Variants in FARS2 observed in about 807,000 individuals in gnomAD.
FARS2 encodes phenylalanine--tRNA ligase, mitochondrial.
FARS2 carries 40 observed loss-of-function variants against 46.4 expected under a neutral mutation model. That is an observed-to-expected ratio of 0.86 (90% confidence interval 0.67 to 1.12). The LOEUF (loss-of-function observed/expected upper bound fraction) is 1.12, where lower values mean the gene tolerates loss of function less well. FARS2 is among the 50% of genes most tolerant of loss of function. The pLI, the probability that FARS2 is intolerant of heterozygous loss-of-function variation, is 0.00. For missense variants in FARS2, 513 were observed against 567.9 expected (o/e 0.90, Z 0.98); for synonymous variants, 234 against 214.9 (o/e 1.09, Z -0.78).
chr6:5,450,843 G>A (rs546321028), intron 4 of FARS2, among the ~76,000 whole-genome samples: 1 of 152,110 alleles, frequency 6.6e-6, no homozygotes, highest in South Asian at 2.1e-4. Flanking sequence ...TGGAATCCCT[G>A]GATACATGCC....
Position 5,771,456 on chromosome 6 carries a change from C to T in FARS2, c.*27C>T, listed in dbSNP as rs368616229. Reference sequence around the variant, plus strand: ...GTCACCACTTCACTCAGGCTGCAGCCCTCTTGGGGCTCCAGGATTTGCTGA... The same window carrying T: ...GTCACCACTTCACTCAGGCTGCAGCTCTCTTGGGGCTCCAGGATTTGCTGA... On this transcript the variant is annotated 3_prime_UTR_variant, in exon 7 of 7. Transcript: ENST00000274680. 10 of 1,587,160 alleles carry T rather than the reference C, an allele frequency of 6.3e-6. No individual in the cohort carries two copies. Among genetic ancestry groups the T allele is most frequent in the Non-Finnish European group, 8.5e-6 (10 of 1,170,814 alleles).
At position 5,342,369 on chromosome 6, in the gene FARS2, A is replaced by G. The variant is rs376599573; in HGVS notation, c.-21-26181A>G. Among the ~76,000 whole-genome samples, 6 of 152,370 alleles carry G rather than the reference A, an allele frequency of 3.9e-5. No homozygotes were observed. The East Asian group carries it at 9.6e-4, about 24-fold the overall frequency. On this transcript the variant is annotated intron_variant, in intron 1 of 6. Coordinates refer to ENST00000274680, the MANE Select transcript of FARS2 (RefSeq NM_006567.5). ...GCATTTATTTATATTAGTTTCTAAA[A>G]ATGAACAGAAATGGTAAAATGTTCT... is the stretch of plus-strand genomic sequence containing the variant.
intron 4 of FARS2, among the ~76,000 whole-genome samples, chr6:5,444,092 C>CGTGTGT (rs35213574): frequency 0.094 from 13,743 of 146,184 alleles, 799 homozygotes; most frequent in East Asian, 0.19. Flanking sequence ...GGAAGATCCT[C>CGTGTGT]GTGTGTGTGT....
intron 6 of FARS2, among the ~76,000 whole-genome samples, chr6:5,676,225 C>T (rs1407799599): frequency 6.6e-6 from 1 of 152,144 alleles, no homozygotes; most frequent in South Asian, 2.1e-4. Flanking sequence ...ACACTTGAAC[C>T]GAGCGTGAGA....
In FARS2 at chr6:5,376,173, A is replaced by G. The variant is rs141280329; in HGVS notation, c.612+6991A>G. Among the ~76,000 whole-genome samples the G allele has an allele frequency of 3.9e-3, 587 of 152,260 alleles. 5 individuals carry two copies. Among genetic ancestry groups the G allele is most frequent in the African/African-American group, 0.013 (542 of 41,552 alleles). ...ACACTGTTCTCCTTTCTGAAAATGC[A>G]TATAGGTGGTGAGCACACGTGTGTG... On this transcript the variant is annotated intron_variant, in intron 2 of 6. Transcript: ENST00000274680.
At chr6:5,386,869 G>A (rs1581952782) in intron 2 of FARS2, among the ~76,000 whole-genome samples, 2 of 152,122 alleles carry the variant, frequency 1.3e-5, no homozygotes, top group African/African-American at 2.4e-5. Context: ...TGGCACAGTC[G>A]CCTGGGGTGG....
intron 6 of FARS2, among the ~76,000 whole-genome samples, chr6:5,625,785 A>G (rs1582617873): frequency 6.6e-6 from 1 of 152,200 alleles, no homozygotes; most frequent in Non-Finnish European, 1.5e-5. Context: ...CAGCAGAATC[A>G]TCAGCAAGGC....
intron 5 of FARS2, among the ~76,000 whole-genome samples, chr6:5,610,464 CATA>C (rs1775116311): frequency 1.3e-5 from 2 of 152,008 alleles, no homozygotes; most frequent in Non-Finnish European, 1.5e-5. Flanking sequence ...AACAATAAAA[CATA>C]ATAAAAATTT....
intron 1 of FARS2, among the ~76,000 whole-genome samples, chr6:5,278,379 G>A (rs1357468876): frequency 3.9e-5 from 6 of 152,138 alleles, no homozygotes; most frequent in African/African-American, 1.2e-4. Context: ...TAATAGGAAC[G>A]CTGGTTTTTG....
intron 2 of FARS2, among the ~76,000 whole-genome samples, chr6:5,369,520 G>T (rs1233921448): frequency 6.6e-6 from 1 of 152,136 alleles, no homozygotes; most frequent in East Asian, 1.9e-4. Flanking sequence ...ATGGCTGAAG[G>T]TGCAACATGG....
intron 4 of FARS2, among the ~76,000 whole-genome samples, chr6:5,510,776 C>G (rs1768404243): frequency 6.6e-6 from 1 of 152,030 alleles, no homozygotes; most frequent in African/African-American, 2.4e-5. Flanking sequence ...CCCTCTTGTC[C>G]TCTTGTCCTT....
At chr6:5,260,104 C>T (rs916163325), upstream of FARS2, among the ~76,000 whole-genome samples, 1 of 152,144 alleles carries the variant, frequency 6.6e-6, no homozygotes. Context: ...TTGTGAGACC[C>T]TTTTTCCTTT....
intron 5 of FARS2, among the ~76,000 whole-genome samples, chr6:5,596,572 G>T (rs1243469839): frequency 1.3e-5 from 2 of 152,192 alleles, no homozygotes; most frequent in South Asian, 2.1e-4. Flanking sequence ...CTTAATTGAT[G>T]ATTTTGCTTG....
At chr6:5,546,457 G>T (rs563059255) in intron 5 of FARS2, among the ~76,000 whole-genome samples, 1 of 151,166 alleles carries the variant, frequency 6.6e-6, no homozygotes. Context: ...TCACCATGTT[G>T]GCCAGGCTGG....
At chr6:5,439,398 G>C (rs1372742678) in intron 4 of FARS2, among the ~76,000 whole-genome samples, 1 of 152,216 alleles carries the variant, frequency 6.6e-6, no homozygotes, top group East Asian at 1.9e-4. Context: ...AGTTGCCTGT[G>C]TTGTTTTGCA....
chr6:5,542,902 T>C (rs1770719427), intron 4 of FARS2, among the ~76,000 whole-genome samples: 1 of 152,254 alleles, frequency 6.6e-6, no homozygotes, highest in Admixed American at 6.5e-5. Flanking sequence ...TCAGATATTT[T>C]TCTGTTGATT....
intron 4 of FARS2, among the ~76,000 whole-genome samples, chr6:5,481,496 TC>T (rs1291715054): frequency 6.6e-6 from 1 of 152,000 alleles, no homozygotes; most frequent in Non-Finnish European, 1.5e-5. Context: ...AGTTCATTGT[TC>T]TTAGACTTGG....
intron 6 of FARS2, among the ~76,000 whole-genome samples, chr6:5,739,854 C>T (rs1761216818): frequency 6.6e-6 from 1 of 152,170 alleles, no homozygotes; most frequent in African/African-American, 2.4e-5. Context: ...CATCCAGACC[C>T]TCTTCTTGGA....
intron 3 of FARS2, among the ~76,000 whole-genome samples, chr6:5,429,202 C>A (rs2875985): frequency 1.3e-5 from 2 of 151,938 alleles, no homozygotes; most frequent in African/African-American, 4.8e-5. Flanking sequence ...ATATCTGTGT[C>A]AACATTTGTC....
Sources: allele counts gnomAD v4.1 joint callset (sites outside exome capture counted in the v4.1 genomes callset), GRCh38; gene constraint gnomAD v4.1.1; transcripts MANE v1.5; gene names NCBI Gene and HGNC (gene_info 2026-07-23, HGNC 2026-07-21).